The following SLC35D1 variants were observed in gnomAD, a reference collection of about 807,000 sequenced individuals.
SLC35D1 encodes the protein nucleotide sugar transporter SLC35D1.
Under a neutral mutation model 46.7 loss-of-function variants are expected in SLC35D1, and 31 were observed. The ratio of observed to expected loss-of-function variants is 0.66; its 90% CI spans 0.50 to 0.90. The LOEUF (loss-of-function observed/expected upper bound fraction) is 0.90, where lower values mean the gene tolerates loss of function less well. SLC35D1 is among the 40% of genes least tolerant of loss of function. The probability of loss-of-function intolerance (pLI) is 0.00; values close to 1 mark genes in which losing one functional copy is unlikely to be tolerated. For synonymous variants in SLC35D1, 195 were observed against 164.6 expected (o/e 1.18, Z -1.41); for missense variants, 397 against 426.2 (o/e 0.93, Z 0.60).
chr1:67,035,886 T>G (rs1302353698), intron 8 of SLC35D1, among the ~76,000 whole-genome samples: 1 of 151,828 alleles, frequency 6.6e-6, no homozygotes. Flanking sequence ...ACCATAAGTT[T>G]TGGTTTTCCA....
intron 10 of SLC35D1, among the ~76,000 whole-genome samples, chr1:67,011,124 T>C (rs1294649522): frequency 6.6e-6 from 1 of 152,182 alleles, no homozygotes; most frequent in Non-Finnish European, 1.5e-5. Context: ...TAAGCCCCCA[T>C]TTTTTCTGTA....
intron 7 of SLC35D1, 55 bp from the exon 8 acceptor site, chr1:67,042,383 C>T (rs1645199580): frequency 6.8e-7 from 1 of 1,464,308 alleles, no homozygotes; most frequent in Non-Finnish European, 9.6e-7. Context: ...GCAGATACAA[C>T]ACTGTACAAA....
chr1:66,985,000 T>C, the SLC35D1 span: 1 of 1,430,172 alleles, frequency 7.0e-7, no homozygotes, highest in Middle Eastern at 2.6e-4. Context: ...TTGAAGCAGT[T>C]TGAAAATTTG....
At chr1:67,039,523 G>A (rs2815372) in intron 8 of SLC35D1, among the ~76,000 whole-genome samples, 91,081 of 150,954 alleles carry the variant, frequency 0.6, 28,887 homozygotes, top group East Asian at 0.84. Flanking sequence ...GTGTGTGTGC[G>A]CGCGTGGGGG....
chr1:66,974,465 C>G, the SLC35D1 span, among the ~76,000 whole-genome samples: 6 of 150,938 alleles, frequency 4.0e-5, no homozygotes, highest in Non-Finnish European at 7.4e-5. Context: ...TTTAACACTT[C>G]TGCTTGAATT....
intron 8 of SLC35D1, among the ~76,000 whole-genome samples, chr1:67,024,732 A>T (rs1201176411): frequency 6.6e-6 from 1 of 151,688 alleles, no homozygotes; most frequent in East Asian, 1.9e-4. Context: ...CTGTGTCCTA[A>T]TTTCCCACCC....
At chr1:67,030,840 G>A (rs1227018163) in intron 8 of SLC35D1, among the ~76,000 whole-genome samples, 1 of 152,138 alleles carries the variant, frequency 6.6e-6, no homozygotes, top group African/African-American at 2.4e-5. Context: ...AAAAAGTGCT[G>A]CCATACATTT....
At chr1:66,981,125 C>G in the SLC35D1 span, among the ~76,000 whole-genome samples, 6 of 152,180 alleles carry the variant, frequency 3.9e-5, no homozygotes, top group South Asian at 4.2e-4. Flanking sequence ...AGGTGATACA[C>G]TAAACCTGAG....
chr1:67,038,694 T>C (rs1471088943), intron 8 of SLC35D1, among the ~76,000 whole-genome samples: 1 of 152,248 alleles, frequency 6.6e-6, no homozygotes, highest in African/African-American at 2.4e-5. Context: ...AGCTGGTTTT[T>C]GCATGAGGCA....
intron 8 of SLC35D1, among the ~76,000 whole-genome samples, chr1:67,036,690 T>G (rs1351483116): frequency 6.7e-6 from 1 of 149,990 alleles, no homozygotes; most frequent in Non-Finnish European, 1.5e-5. Context: ...GTGTGTCTTG[T>G]AAGCAACAGA....
intron 8 of SLC35D1, among the ~76,000 whole-genome samples, chr1:67,035,175 T>G (rs952911071): frequency 1.3e-5 from 2 of 152,094 alleles, no homozygotes; most frequent in African/African-American, 4.8e-5. Flanking sequence ...TAATGCATCT[T>G]TGTCTGATTT....
rs34459732 is a variant in SLC35D1, at chr1:67,014,670, G to GTTTT, written c.877-5507_877-5504dup. 5.7e-3 allele frequency among the ~76,000 whole-genome samples: 573 copies of GTTTT among 99,786 alleles called. 11 individuals are homozygous for GTTTT. Among genetic ancestry groups the GTTTT allele is most frequent in the African/African-American group, 8.8e-3 (230 of 26,216 alleles). 65.5% of individuals were successfully genotyped at this position (99,786 alleles called of 152,430 possible). A position where few individuals can be genotyped will look rare whatever the true frequency, so the allele number is the denominator to read the frequency against. On this transcript the variant is annotated intron_variant, in intron 10 of 11. Coordinates refer to ENST00000235345, the MANE Select transcript of SLC35D1 (RefSeq NM_015139.3). ...AAAATTAAAATGTCTTCAATTTTTA[G>GTTTT]TTTTTTTTTTTTTTTTTTTTTGGCC...
chr1:67,049,927 A>G, intron 5 of SLC35D1, 77 bp from the exon 6 acceptor site: 2 of 965,998 alleles, frequency 2.1e-6, no homozygotes, highest in South Asian at 2.7e-5. Flanking sequence ...AAAAAATGGG[A>G]TATGCTTTCT....
chr1:67,048,989 A>G (rs1310357982), intron 6 of SLC35D1, among the ~76,000 whole-genome samples: 1 of 152,162 alleles, frequency 6.6e-6, no homozygotes, highest in Non-Finnish European at 1.5e-5. Context: ...TTTCTTTAGC[A>G]GCATGCAAAA....
Position 67,020,451 on chromosome 1 carries a change from G to T in SLC35D1, c.798-4C>A. On this transcript the variant is annotated splice_polypyrimidine_tract_variant and splice_region_variant and intron_variant, in intron 9 of 11. Coordinates refer to ENST00000235345, the MANE Select transcript of SLC35D1 (RefSeq NM_015139.3). ...TGTGGCGTACATTAAGATAAACCTA[G>T]AATGAAGAAAGAGGTATAAAATCCA... The T allele has an allele frequency of 6.3e-7, 1 of 1,595,870 alleles. No individual in the cohort carries two copies. Among genetic ancestry groups the T allele is most frequent in the African/African-American group, 1.3e-5 (1 of 74,622 alleles).
chr1:67,016,402 T>G (rs898164118), intron 10 of SLC35D1, among the ~76,000 whole-genome samples: 2 of 152,098 alleles, frequency 1.3e-5, no homozygotes, highest in Admixed American at 6.5e-5. Context: ...TGATAAGTAG[T>G]TGTAAATATA....
intron 6 of SLC35D1, among the ~76,000 whole-genome samples, chr1:67,049,071 G>T (rs1645281393): frequency 1.3e-5 from 2 of 152,164 alleles, no homozygotes; most frequent in African/African-American, 4.8e-5. Flanking sequence ...AAGGCAGGCG[G>T]ATCACGAGGT....
chr1:66,982,803 C>T, the SLC35D1 span, among the ~76,000 whole-genome samples: 1 of 152,194 alleles, frequency 6.6e-6, no homozygotes, highest in Non-Finnish European at 1.5e-5. Context: ...TCCCTCACTA[C>T]TTCTAGGAAT....
At chr1:66,973,975 T>G in the SLC35D1 span, among the ~76,000 whole-genome samples, 1 of 152,130 alleles carries the variant, frequency 6.6e-6, no homozygotes, top group African/African-American at 2.4e-5. Context: ...GTGATTGGAT[T>G]GTATCCAGTT....
Sources: allele counts gnomAD v4.1 joint callset (sites outside exome capture counted in the v4.1 genomes callset), GRCh38; gene constraint gnomAD v4.1.1; transcripts MANE v1.5; gene names NCBI Gene and HGNC (gene_info 2026-07-23, HGNC 2026-07-21).